The following LIPE variants were observed in gnomAD, a reference collection of about 807,000 sequenced individuals.
LIPE encodes hormone-sensitive lipase.
Under a neutral mutation model 88.5 loss-of-function variants are expected in LIPE, and 66 were observed. The ratio of observed to expected loss-of-function variants is 0.75; its 90% CI spans 0.61 to 0.91. The LOEUF (loss-of-function observed/expected upper bound fraction) is 0.91, where lower values mean the gene tolerates loss of function less well. Ranked by LOEUF, LIPE falls within the 40% of genes least tolerant of loss-of-function variation. LIPE has a pLI of 0.00. For synonymous variants in LIPE, 570 were observed against 617.5 expected (o/e 0.92, Z 1.14); for missense variants, 1,346 against 1,434.7 (o/e 0.94, Z 1.00).
At position 42,406,745 on chromosome 19, in the gene LIPE, G is replaced by A. The variant is rs1192090245; in HGVS notation, c.2138-357C>T. 2.0e-5 allele frequency among the ~76,000 whole-genome samples: 3 copies of A among 152,194 alleles called. No individual in the cohort carries two copies. The East Asian group carries it at 5.8e-4, about 29-fold the overall frequency. ...GCGGGAATGGAAGGTCAGGGTTCAG[G>A]GTCAGTACAGAGGGGCTGGGCTGCA... On this transcript the variant is annotated intron_variant, in intron 6 of 9. Transcript: ENST00000244289. This position sits in a 1 kb window ranked among gnomAD's most constrained non-coding sequence, Gnocchi z 5.7.
chr19:42,408,456 C>A lies in LIPE; in HGVS notation c.1420-134G>T. The A allele has an allele frequency of 1.4e-6, 1 of 734,622 alleles. No individual in the cohort carries two copies. The highest frequency in any genetic ancestry group is 2.4e-6 in the Non-Finnish European group (1 of 421,850). The allele number at this position is 734,622 out of a possible 1,614,324, so 45.5% of individuals were successfully genotyped here. A position where few individuals can be genotyped will look rare whatever the true frequency, so the allele number is the denominator to read the frequency against. Reference sequence around the variant, plus strand: ...TCATGAGCTCCTACTGTGTGCTGGGCATAGCTCTCGGCTGGTTCACGGACC... The same window carrying A: ...TCATGAGCTCCTACTGTGTGCTGGGAATAGCTCTCGGCTGGTTCACGGACC... On this transcript the variant is annotated intron_variant, in intron 2 of 9. Coordinates refer to ENST00000244289, the MANE Select transcript of LIPE (RefSeq NM_005357.4). This position sits in a 1 kb window ranked among gnomAD's most constrained non-coding sequence, Gnocchi z 4.3.
At position 42,426,871 on chromosome 19, in the gene LIPE, G is replaced by A. The variant is rs774871155; in HGVS notation, c.279C>T (p.Pro93=). Residue 93 remains proline (P), a synonymous_variant, in exon 1 of 10, where the codon CCC becomes CCT. Transcript: ENST00000244289. The part of the protein sequence containing the change: ...SQEEFLAPQK[P]APQQSPYIQR... ...GGATGTAAGGTGATTGCTGTGGTGC[G>A]GGCTTCTGTGGGGCAAGAAATTCCT... The A allele has an allele frequency of 1.5e-5, 24 of 1,614,128 alleles. No individual in the cohort carries two copies. Among genetic ancestry groups the A allele is most frequent in the Non-Finnish European group, 2.0e-5 (24 of 1,180,018 alleles).
chr19:42,423,105 G>C (rs1479895131), intron 1 of LIPE: 1 of 284,302 alleles, frequency 3.5e-6, no homozygotes, highest in East Asian at 1.4e-4. Flanking sequence ...GGGAAACACT[G>C]AGGGCATCCG....
intron 1 of LIPE, among the ~76,000 whole-genome samples, chr19:42,415,494 T>G (rs1157517398): frequency 1.3e-5 from 2 of 151,850 alleles, no homozygotes; most frequent in Non-Finnish European, 1.5e-5. Flanking sequence ...GCTACTCCAG[T>G]GAACACATGA....
intron 1 of LIPE, among the ~76,000 whole-genome samples, chr19:42,420,014 T>C (rs533914351): frequency 1.2e-3 from 179 of 151,918 alleles, no homozygotes; most frequent in Middle Eastern, 3.4e-3. Context: ...CTTTTCTTTT[T>C]TTTTTTTTTT....
Position 42,407,989 on chromosome 19 carries a change from A to G in LIPE, c.1643T>C (p.Met548Thr), listed in dbSNP as rs2040243349. 4 of 1,611,950 alleles carry G rather than the reference A, an allele frequency of 2.5e-6. No homozygotes were observed. The highest frequency in any genetic ancestry group is 3.4e-6 in the Non-Finnish European group (4 of 1,179,358). The change falls in exon 4 of 10, where the codon ATG becomes ACG. Residue 548 changes from methionine to threonine, a missense_variant. Physicochemically the swap from Met to Thr is moderately conservative, Grantham distance 81 (BLOSUM62 -1). Transcript: ENST00000244289. The surrounding 1 kb of genome is among the most constrained non-coding windows in gnomAD (Gnocchi z 5.8). ...FWKAFWNITEMEVLSSLANMA... is the reference protein window; with the variant it reads ...FWKAFWNITETEVLSSLANMA... ...ACAGGCCCTCACCGATAGCACTTCC[A>G]TCTCGGTGATGTTCCAGAAGGCTTT... is the stretch of plus-strand genomic sequence containing the variant.
intron 1 of LIPE, among the ~76,000 whole-genome samples, chr19:42,413,345 G>A (rs1289172992): frequency 6.6e-6 from 1 of 152,242 alleles, no homozygotes; most frequent in Non-Finnish European, 1.5e-5. Flanking sequence ...CCTTTAGGAA[G>A]AAGAAATACA....
At position 42,414,372 on chromosome 19, in the gene LIPE, G is replaced by T. The variant is rs1213312160; in HGVS notation, c.884-3530C>A. On this transcript the variant is annotated intron_variant, in intron 1 of 9. Transcript: ENST00000244289. This position sits in a 1 kb window ranked among gnomAD's most constrained non-coding sequence, Gnocchi z 4.6. ...GCCCAAGCCCTTGCTGGCGACCCTG[G>T]ATGAGTCTGTTTTCCTCATCTGGAA... is the stretch of plus-strand genomic sequence containing the variant. Among the ~76,000 whole-genome samples, 1 of 152,250 alleles carries T rather than the reference G, an allele frequency of 6.6e-6. No individual in the cohort carries two copies. The highest frequency in any genetic ancestry group is 6.5e-5 in the Admixed American group (1 of 15,290).
rs752105933 is a variant in LIPE at position 42,410,373 on chromosome 19, G to A, written c.1353C>T (p.Ala451=). The A allele has an allele frequency of 5.6e-6, 9 of 1,613,860 alleles. No individual in the cohort carries two copies. The highest frequency in any genetic ancestry group is 1.7e-5 in the Admixed American group (1 of 59,996). ...GCGTGACATACTCCCGGAGGAAGTC[G>A]GCGGTGAGCCCCTCGTCGCCCTCAA... ...LFFEGDEGLT[A]DFLREYVTLH... Residue 451 remains alanine (A), a synonymous_variant, in exon 2 of 10, where the codon GCC becomes GCT. Coordinates refer to ENST00000244289, the MANE Select transcript of LIPE (RefSeq NM_005357.4). This position sits in a 1 kb window ranked among gnomAD's most constrained non-coding sequence, Gnocchi z 6.1.
At chr19:42,421,432 T>G (rs1600144515) in intron 1 of LIPE, among the ~76,000 whole-genome samples, 1 of 152,338 alleles carries the variant, frequency 6.6e-6, no homozygotes, top group South Asian at 2.1e-4. Flanking sequence ...GGTGTTTTTC[T>G]CTGTTGTATT....
chr19:42,404,882 T>C (rs1332025976), intron 8 of LIPE, among the ~76,000 whole-genome samples: 1 of 152,140 alleles, frequency 6.6e-6, no homozygotes, highest in African/African-American at 2.4e-5. Flanking sequence ...TTTAAATTTT[T>C]TTTTTTGAGA....
At chr19:42,405,976 T>TCTCACACACA (rs1367305518) in intron 7 of LIPE, 185 bp downstream of exon 7, 38 of 418,662 alleles carry the variant, frequency 9.1e-5, no homozygotes, top group Admixed American at 7.4e-4. Flanking sequence ...TCTCTCTCTC[T>TCTCACACACA]CACACACACA....
In LIPE at chr19:42,410,621, G is replaced by A. The variant is rs201963243; in HGVS notation, c.1105C>T (p.Pro369Ser). 1.2e-6 allele frequency: 2 copies of A among 1,613,476 alleles called. No homozygotes were observed. The highest frequency in any genetic ancestry group is 1.7e-6 in the Non-Finnish European group (2 of 1,179,878). The change falls in exon 2 of 10, where the codon CCG (proline) becomes TCG (serine). Residue 369 changes from proline (P) to serine (S), a missense_variant. Physicochemically the swap from Pro to Ser is moderately conservative, Grantham distance 74. Coordinates refer to ENST00000244289, the MANE Select transcript of LIPE (RefSeq NM_005357.4). The surrounding 1 kb of genome is among the most constrained non-coding windows in gnomAD (Gnocchi z 6.1). ...ACTAGGCTGCGGTACCCGTTGGCCGGTGTCTCTGGGTCCAGGTCAAAGAGG... is the reference window on the plus strand; with the variant it reads ...ACTAGGCTGCGGTACCCGTTGGCCGATGTCTCTGGGTCCAGGTCAAAGAGG... Reference protein sequence around the residue: ...AHLFDLDPETPANGYRSLVHT... With the variant: ...AHLFDLDPETSANGYRSLVHT...
In LIPE at chr19:42,426,498, A is replaced by T; in HGVS notation, c.652T>A (p.Ser218Thr). ...TKLQELSIQRSALEWKALSEW... is the reference protein window; with the variant it reads ...TKLQELSIQRTALEWKALSEW... ...GAAAGTGCCTTCCACTCTAGGGCTG[A>T]TCGCTGTATGGATAGTTCCTGAAGT... The change falls in exon 1 of 10, where the codon TCA becomes ACA. Residue 218 changes from serine to threonine, a missense_variant. Coordinates refer to ENST00000244289, the MANE Select transcript of LIPE (RefSeq NM_005357.4). 6.2e-7 allele frequency: 1 copy of T among 1,614,192 alleles called. No homozygotes were observed. The highest frequency in any genetic ancestry group is 1.1e-5 in the South Asian group (1 of 91,078).
chr19:42,426,782 G>A lies in LIPE; in HGVS notation c.368C>T (p.Ser123Phe). The change falls in exon 1 of 10, where the codon TCT becomes TTT. Residue 123 changes from serine (S) to phenylalanine (F), a missense_variant. Physicochemically the swap from Ser to Phe is radical, Grantham distance 155. Coordinates refer to ENST00000244289, the MANE Select transcript of LIPE (RefSeq NM_005357.4). ...CAATGCTGGCTCCTGTTGAGTTATA[G>A]ATTCTTTTCCTAGCCCAGGTCCCTG... ...SQQGPGLGKE[S>F]ITQQEPALRQ... is the part of the protein sequence containing the mutation. 6.2e-7 allele frequency: 1 copy of A among 1,614,202 alleles called. No homozygotes were observed. Among genetic ancestry groups the A allele is most frequent in the African/African-American group, 1.3e-5 (1 of 75,056 alleles).
At position 42,408,255 on chromosome 19, in the gene LIPE, T is replaced by G; in HGVS notation, c.1487A>C (p.Tyr496Ser). The change falls in exon 3 of 10, where the codon TAC becomes TCC. Residue 496 changes from tyrosine (Y) to serine (S), a missense_variant. Physicochemically the swap from Tyr to Ser is moderately radical, Grantham distance 144. Transcript: ENST00000244289. This position sits in a 1 kb window ranked among gnomAD's most constrained non-coding sequence, Gnocchi z 4.3. ...SIGLVSFGEH[Y>S]KRNETGLSVA... ...ACTGAGGCCTGTCTCGTTGCGTTTGTAGTGCTCCCCGAAGGACACCAGCCC... is the reference window on the plus strand; with the variant it reads ...ACTGAGGCCTGTCTCGTTGCGTTTGGAGTGCTCCCCGAAGGACACCAGCCC... 1 of 1,614,006 alleles carries G rather than the reference T, an allele frequency of 6.2e-7. No individual in the cohort carries two copies. Among genetic ancestry groups the G allele is most frequent in the Non-Finnish European group, 8.5e-7 (1 of 1,179,972 alleles).
intron 1 of LIPE, among the ~76,000 whole-genome samples, chr19:42,422,543 G>A (rs2040619109): frequency 2.0e-5 from 3 of 152,120 alleles, no homozygotes; most frequent in Admixed American, 1.3e-4. Flanking sequence ...CTACGGCAGG[G>A]GAAGCAATGA....
chr19:42,411,155 G>T, intron 1 of LIPE: 1 of 262,686 alleles, frequency 3.8e-6, no homozygotes, highest in Non-Finnish European at 5.9e-6. Flanking sequence ...TCCTCTTCAG[G>T]ACCCAGGAGC....
chr19:42,412,618 C>CT (rs1445969362), intron 1 of LIPE: 20 of 975,834 alleles, frequency 2.0e-5, no homozygotes, highest in Non-Finnish European at 2.3e-5. Flanking sequence ...GCTCCTCTGC[C>CT]TTAGAACCCA....
Sources: allele counts gnomAD v4.1 joint callset (sites outside exome capture counted in the v4.1 genomes callset), GRCh38; gene constraint gnomAD v4.1.1; non-coding constraint Gnocchi (gnomAD v3.1); transcripts MANE v1.5; gene names NCBI Gene and HGNC (gene_info 2026-07-23, HGNC 2026-07-21).